The following TLN2 variants were observed in gnomAD, a reference collection of about 807,000 sequenced individuals.
TLN2 encodes talin 2.
In TLN2, 118 loss-of-function variants were observed where a neutral mutation model predicts 294.7. That is an observed-to-expected ratio of 0.40 (90% CI 0.34 to 0.47). The LOEUF (loss-of-function observed/expected upper bound fraction) is 0.47, where lower values mean the gene tolerates loss of function less well. Among genes scored for constraint, TLN2 ranks in the 20% least tolerant of loss-of-function variants. TLN2 has a pLI of 0.84. For missense variants in TLN2, 3,083 were observed against 3,282.2 expected (o/e 0.94, Z 1.48); for synonymous variants, 1,431 against 1,304.5 (o/e 1.10, Z -2.09).
chr15:62,820,197 G>C (rs1379765602), intron 53 of TLN2, among the ~76,000 whole-genome samples: 1 of 152,170 alleles, frequency 6.6e-6, no homozygotes, highest in Non-Finnish European at 1.5e-5. Flanking sequence ...TAAGTTCAAA[G>C]TCAGAGCAAA....
intron 1 of TLN2, among the ~76,000 whole-genome samples, chr15:62,536,207 G>A (rs1007948497): frequency 5.3e-5 from 8 of 152,150 alleles, no homozygotes; most frequent in Non-Finnish European, 1.2e-4. Context: ...TAGAATCACC[G>A]GGGGATCTTT....
intron 12 of TLN2, 151 bp downstream of exon 12, chr15:62,686,947 G>GA (rs2057338120): frequency 1.1e-5 from 12 of 1,104,944 alleles, no homozygotes; most frequent in Non-Finnish European, 1.4e-5. Context: ...CATGGGCAGG[G>GA]AAGGGGATGG....
At chr15:62,452,221 G>C (rs577619651) in intron 1 of TLN2, among the ~76,000 whole-genome samples, 1 of 152,220 alleles carries the variant, frequency 6.6e-6, no homozygotes, top group Non-Finnish European at 1.5e-5. Context: ...GGAGCCAGGA[G>C]GGCTTGCGAA....
At chr15:62,489,714 G>A (rs2038603293) in intron 1 of TLN2, among the ~76,000 whole-genome samples, 1 of 152,182 alleles carries the variant, frequency 6.6e-6, no homozygotes, top group Non-Finnish European at 1.5e-5. Context: ...TGATCGCAGA[G>A]ACCAAGTGAC....
At chr15:62,555,903 A>C (rs888420683) in intron 1 of TLN2, among the ~76,000 whole-genome samples, 1 of 144,430 alleles carries the variant, frequency 6.9e-6, no homozygotes, top group South Asian at 2.2e-4. Flanking sequence ...TTTTATGAGG[A>C]TATTTCCTTT....
chr15:62,521,934 C>T (rs184522682), intron 1 of TLN2, among the ~76,000 whole-genome samples: 42 of 152,236 alleles, frequency 2.8e-4, no homozygotes, highest in Admixed American at 1.6e-3. Context: ...ATCTTATTGC[C>T]GCAAAGAGTC....
At chr15:62,557,253 A>G (rs1358538213) in intron 1 of TLN2, among the ~76,000 whole-genome samples, 13 of 152,278 alleles carry the variant, frequency 8.5e-5, no homozygotes, top group Admixed American at 3.3e-4. Flanking sequence ...CCAGAAGTAG[A>G]TGGAGCCACC....
intron 26 of TLN2, among the ~76,000 whole-genome samples, chr15:62,724,550 A>G (rs934553640): frequency 2.0e-5 from 3 of 152,224 alleles, no homozygotes; most frequent in Admixed American, 1.3e-4. Context: ...AAGAGAAGCA[A>G]TAAAGTTGAC....
intron 11 of TLN2, among the ~76,000 whole-genome samples, chr15:62,680,711 T>C (rs1029081218): frequency 5.9e-5 from 9 of 152,176 alleles, no homozygotes; most frequent in African/African-American, 1.2e-4. Context: ...TACTGTATAG[T>C]TTTTTATCTG....
intron 2 of TLN2, among the ~76,000 whole-genome samples, chr15:62,607,526 C>T (rs1052991756): frequency 6.6e-6 from 1 of 152,084 alleles, no homozygotes; most frequent in Non-Finnish European, 1.5e-5. Context: ...GCAAAGCCTC[C>T]AGAATGGGTG....
chr15:62,653,459 C>G, intron 7 of TLN2, 145 bp downstream of exon 7: 1 of 1,049,800 alleles, frequency 9.5e-7, no homozygotes, highest in Non-Finnish European at 1.3e-6. Flanking sequence ...GGCTCAGTGG[C>G]TCACTTCTAT....
intron 19 of TLN2, among the ~76,000 whole-genome samples, chr15:62,704,769 T>C (rs183786580): frequency 8.1e-4 from 123 of 152,342 alleles, no homozygotes; most frequent in African/African-American, 2.6e-3. Context: ...CCCAAGTTAA[T>C]TGTGTCCCCA....
At chr15:62,693,251 G>T (rs1049822265) in intron 13 of TLN2, among the ~76,000 whole-genome samples, 1 of 152,180 alleles carries the variant, frequency 6.6e-6, no homozygotes, top group Non-Finnish European at 1.5e-5. Context: ...AGAATCGCTT[G>T]AACCTGGGAG....
chr15:62,839,291 T>G (rs2070293943), intron 58 of TLN2, among the ~76,000 whole-genome samples: 1 of 152,212 alleles, frequency 6.6e-6, no homozygotes, highest in Non-Finnish European at 1.5e-5. Flanking sequence ...CACATACCAT[T>G]GGTCAGCACT....
At chr15:62,788,251 C>T (rs2064838185) in intron 45 of TLN2, among the ~76,000 whole-genome samples, 1 of 151,858 alleles carries the variant, frequency 6.6e-6, no homozygotes, top group Non-Finnish European at 1.5e-5. Flanking sequence ...GCGGAGGTTG[C>T]AGTGAGCCAA....
chr15:62,566,981 T>A (rs2043455694), intron 1 of TLN2, among the ~76,000 whole-genome samples: 1 of 152,126 alleles, frequency 6.6e-6, no homozygotes, highest in Admixed American at 6.5e-5. Context: ...CAGGAAAAAA[T>A]TTGTATTTTG....
intron 6 of TLN2, 91 bp downstream of exon 6, chr15:62,652,225 A>C: frequency 1.5e-6 from 2 of 1,354,292 alleles, no homozygotes; most frequent in Non-Finnish European, 1.9e-6. Flanking sequence ...TCTCTAGGCA[A>C]CTTTGAATGT....
chr15:62,574,572 C>T, intron 1 of TLN2, among the ~76,000 whole-genome samples: 1 of 78,068 alleles, frequency 1.3e-5, no homozygotes, highest in Non-Finnish European at 2.4e-5. Flanking sequence ...AGGATGAGAC[C>T]CTGTCTCAAA....
intron 32 of TLN2, among the ~76,000 whole-genome samples, chr15:62,742,527 A>G (rs1375742172): frequency 1.3e-5 from 2 of 152,196 alleles, no homozygotes; most frequent in East Asian, 1.9e-4. Context: ...AAAGCCAGAT[A>G]TAGAAGGAAA....
Sources: allele counts gnomAD v4.1 joint callset (sites outside exome capture counted in the v4.1 genomes callset), GRCh38; gene constraint gnomAD v4.1.1; transcripts MANE v1.5; gene names NCBI Gene and HGNC (gene_info 2026-07-23, HGNC 2026-07-21).